Variants in PCSK5 observed in about 807,000 individuals in gnomAD.
PCSK5 encodes proprotein convertase subtilisin/kexin type 5.
A neutral mutation model predicts 233.2 loss-of-function variants in PCSK5; 129 were observed. The ratio of observed to expected loss-of-function variants is 0.55; its 90% CI spans 0.48 to 0.64. The LOEUF is 0.64. Among genes scored for constraint, PCSK5 ranks in the 30% least tolerant of loss-of-function variants. The probability of loss-of-function intolerance (pLI) is 0.00; values close to 1 mark genes in which losing one functional copy is unlikely to be tolerated. For missense variants in PCSK5, 2,076 were observed against 2,430.1 expected (o/e 0.85, Z 3.06); for synonymous variants, 825 against 879.2 (o/e 0.94, Z 1.09).
chr9:75,903,148 G>A (rs1044593573), intron 1 of PCSK5, among the ~76,000 whole-genome samples: 4 of 152,120 alleles, frequency 2.6e-5, no homozygotes, highest in African/African-American at 9.7e-5. Context: ...CAACAAAGCT[G>A]TGTTCTGAAC....
chr9:76,261,745 C>T (rs143076282), intron 24 of PCSK5, among the ~76,000 whole-genome samples: 7,401 of 152,094 alleles, frequency 0.049, 459 homozygotes, highest in African/African-American at 0.15. Flanking sequence ...TGGATTCCTA[C>T]GTATTTTATT....
At chr9:76,071,548 TC>T (rs1399108786) in intron 6 of PCSK5, among the ~76,000 whole-genome samples, 177 bp from the exon 7 acceptor site, 2 of 152,184 alleles carry the variant, frequency 1.3e-5, no homozygotes, top group African/African-American at 4.8e-5. Context: ...CAATATGACA[TC>T]CTTTCTGCCC....
At chr9:76,253,026 T>C (rs1197164027) in intron 24 of PCSK5, among the ~76,000 whole-genome samples, 1 of 152,176 alleles carries the variant, frequency 6.6e-6, no homozygotes, top group Non-Finnish European at 1.5e-5. Context: ...AAACCAAATA[T>C]ATTGCAGAAT....
chr9:75,986,061 C>G (rs752051696), intron 2 of PCSK5, 71 bp from the exon 3 acceptor site: 2 of 883,682 alleles, frequency 2.3e-6, no homozygotes, highest in African/African-American at 1.6e-5. Flanking sequence ...ATGGGAAATG[C>G]CTCAGACTGT....
At chr9:75,985,775 T>G (rs960810958) in intron 2 of PCSK5, among the ~76,000 whole-genome samples, 19 of 152,188 alleles carry the variant, frequency 1.2e-4, no homozygotes, top group Admixed American at 9.2e-4. Flanking sequence ...ATAGAAAAAG[T>G]TGGCTAGCCC....
intron 24 of PCSK5, among the ~76,000 whole-genome samples, chr9:76,262,124 A>G (rs531791506): frequency 5.3e-5 from 8 of 152,314 alleles, no homozygotes; most frequent in South Asian, 4.1e-4. Flanking sequence ...CCCATTCAGT[A>G]TGATATTGGC....
Position 76,203,535 on chromosome 9 carries a change from G to C in PCSK5, c.2626+13789G>C, listed in dbSNP as rs373867439. On this transcript the variant is annotated intron_variant, in intron 20 of 37. Coordinates refer to ENST00000674117, the MANE Select transcript of PCSK5 (RefSeq NM_001372043.1). ...TTAGAGAGATTCAAAGTGTGAGATGGACTTGGCCCACAGCCGAGGAACTTG... is the reference window on the plus strand; with the variant it reads ...TTAGAGAGATTCAAAGTGTGAGATGCACTTGGCCCACAGCCGAGGAACTTG... 1.2e-4 allele frequency among the ~76,000 whole-genome samples: 18 copies of C among 151,886 alleles called. No individual in the cohort carries two copies. The South Asian group carries it at 2.3e-3, about 19-fold the overall frequency.
chr9:76,171,402 A>G (rs931921888), intron 13 of PCSK5, among the ~76,000 whole-genome samples: 2 of 152,226 alleles, frequency 1.3e-5, no homozygotes, highest in Non-Finnish European at 2.9e-5. Context: ...GCAGTTGTGT[A>G]CCAAGGAAGG....
chr9:76,116,092 A>G (rs1307008796), intron 9 of PCSK5, among the ~76,000 whole-genome samples: 1 of 152,106 alleles, frequency 6.6e-6, no homozygotes, highest in Non-Finnish European at 1.5e-5. Flanking sequence ...TTTGCCATCA[A>G]TAGGAGAGAA....
At chr9:76,046,466 G>A (rs184558693) in intron 5 of PCSK5, among the ~76,000 whole-genome samples, 3 of 150,146 alleles carry the variant, frequency 2.0e-5, no homozygotes, top group Admixed American at 6.6e-5. Flanking sequence ...GTGAGCCACC[G>A]CGCCCAGCCA....
chr9:76,077,130 AT>A (rs1830670419), intron 7 of PCSK5, among the ~76,000 whole-genome samples: 1 of 152,232 alleles, frequency 6.6e-6, no homozygotes, highest in South Asian at 2.1e-4. Context: ...ACATGTTGTC[AT>A]TTTGATTTTA....
intron 2 of PCSK5, among the ~76,000 whole-genome samples, chr9:75,975,724 C>T (rs1344817801): frequency 4.6e-5 from 7 of 152,144 alleles, no homozygotes; most frequent in Non-Finnish European, 1.0e-4. Flanking sequence ...GTCATTCTTG[C>T]AGTTATCTAA....
At chr9:76,215,185 G>T (rs73460340) in intron 20 of PCSK5, among the ~76,000 whole-genome samples, 2,320 of 152,282 alleles carry the variant, frequency 0.015, 60 homozygotes, top group African/African-American at 0.054. Context: ...AGAGGAATTG[G>T]CCTTCCCCAG....
At chr9:76,001,835 A>T (rs1387080623) in intron 3 of PCSK5, among the ~76,000 whole-genome samples, 2 of 152,176 alleles carry the variant, frequency 1.3e-5, no homozygotes, top group Non-Finnish European at 2.9e-5. Context: ...GATTAAAGAG[A>T]TCCATAATAA....
rs1370572697 is a variant in PCSK5, at chr9:75,891,119, T to C, written c.-63T>C. ...GGGCGGCGCAGGCCGGAGAAGTTAGTTGTGCGCGCCCTTAGTGCGCGGAAC... is the reference window on the plus strand; with the variant it reads ...GGGCGGCGCAGGCCGGAGAAGTTAGCTGTGCGCGCCCTTAGTGCGCGGAAC... On this transcript the variant is annotated 5_prime_UTR_variant, in exon 1 of 38. Transcript: ENST00000674117. 7 of 1,297,500 alleles carry C rather than the reference T, an allele frequency of 5.4e-6. No homozygotes were observed. Among genetic ancestry groups the C allele is most frequent in the African/African-American group, 1.5e-5 (1 of 64,706 alleles). The allele number at this position is 1,297,500 out of a possible 1,614,324, so 80.4% of individuals were successfully genotyped here.
intron 20 of PCSK5, among the ~76,000 whole-genome samples, chr9:76,201,190 T>A (rs965863823): frequency 6.6e-6 from 1 of 152,094 alleles, no homozygotes; most frequent in African/African-American, 2.4e-5. Context: ...CATCTTTTTC[T>A]CCTAAGAGAA....
rs752852251 is a variant in PCSK5 at position 76,169,858 on chromosome 9, A to G, written c.1756+18A>G. On this transcript the variant is annotated intron_variant, in intron 13 of 37. Transcript: ENST00000674117. Reference sequence around the variant, plus strand: ...GACTCCAGGTGAGAACTCCCTTTCTATACATTGTTCTACTGTGTAGAAGAA... The same window carrying G: ...GACTCCAGGTGAGAACTCCCTTTCTGTACATTGTTCTACTGTGTAGAAGAA... 1 of 1,607,352 alleles carries G rather than the reference A, an allele frequency of 6.2e-7. No homozygotes were observed. Among genetic ancestry groups the G allele is most frequent in the South Asian group, 1.1e-5 (1 of 90,868 alleles).
chr9:76,352,888 C>CAA (rs140814698), intron 36 of PCSK5, among the ~76,000 whole-genome samples: 36 of 147,254 alleles, frequency 2.4e-4, no homozygotes, highest in Middle Eastern at 3.6e-3. Context: ...ACAAAAAATA[C>CAA]AAAAAAAAAA....
intron 1 of PCSK5, among the ~76,000 whole-genome samples, chr9:75,913,487 A>T (rs1822847068): frequency 6.6e-6 from 1 of 152,188 alleles, no homozygotes; most frequent in African/African-American, 2.4e-5. Context: ...CCACACAACA[A>T]ATCTCTAAGT....
Sources: gnomAD v4.1 joint callset for allele counts (sites outside exome capture counted in the v4.1 genomes callset) on GRCh38, gnomAD v4.1.1 for gene constraint, MANE v1.5 for transcripts, NCBI Gene and HGNC (gene_info 2026-07-23, HGNC 2026-07-21) for gene names.